Variants in TRMT9B observed in about 807,000 individuals in gnomAD.
The protein encoded by TRMT9B is probable tRNA methyltransferase 9B.
A neutral mutation model predicts 11.5 loss-of-function variants in TRMT9B; 16 were observed. The observed-to-expected ratio is 1.39, with a 90% CI of 0.94 to 2.11. The LOEUF is 2.11. Ranked by LOEUF, TRMT9B falls within the 30% of genes most tolerant of loss-of-function variation. The pLI, the probability that TRMT9B is intolerant of heterozygous loss-of-function variation, is 0.00. For missense variants in TRMT9B, 941 were observed against 553.8 expected (o/e 1.70, Z -7.02); for synonymous variants, 274 against 192.4 (o/e 1.42, Z -3.51).
rs971216111 is a variant in TRMT9B, at chr8:13,023,724, G to A, written c.*1680G>A. 1 of 166,894 alleles carries A rather than the reference G, an allele frequency of 6.0e-6. No individual in the cohort carries two copies. The highest frequency in any genetic ancestry group is 2.4e-5 in the African/African-American group (1 of 41,446). 10.3% of individuals were successfully genotyped at this position (166,894 alleles called of 1,614,324 possible). On this transcript the variant is annotated 3_prime_UTR_variant, in exon 5 of 5. Transcript: ENST00000524591. ...TTGTTTTATTTTTTCCACTAAAAGT[G>A]ACTAAAATAATAACGAATTTCATTT...
rs565248283 is a variant in TRMT9B, at chr8:13,009,899, G to A, written c.155-2785G>A. Among the ~76,000 whole-genome samples, 38 of 152,150 alleles carry A rather than the reference G, an allele frequency of 2.5e-4. No individual in the cohort carries two copies. In the South Asian group the frequency reaches 7.9e-3, roughly 32 times the overall value. On this transcript the variant is annotated intron_variant, in intron 3 of 4. Coordinates refer to ENST00000524591, the MANE Select transcript of TRMT9B (RefSeq NM_020844.3). Reference sequence around the variant, plus strand: ...ATCCTAGCACTTTGGGAGGTGTGGCGGGCAGATCTTTTAGCTCAGGAGTTC... The same window carrying A: ...ATCCTAGCACTTTGGGAGGTGTGGCAGGCAGATCTTTTAGCTCAGGAGTTC...
chr8:12,966,086 G>A (rs1297090786), intron 1 of TRMT9B, among the ~76,000 whole-genome samples: 3 of 151,722 alleles, frequency 2.0e-5, no homozygotes, highest in African/African-American at 4.8e-5. Flanking sequence ...AGCACTTTGG[G>A]AGACCAAGGT....
At chr8:12,969,808 A>C (rs998483549) in intron 1 of TRMT9B, among the ~76,000 whole-genome samples, 1 of 150,632 alleles carries the variant, frequency 6.6e-6, no homozygotes, top group Non-Finnish European at 1.5e-5. Flanking sequence ...AGTAGCTAGG[A>C]CTACAGGCCT....
chr8:13,006,151 T>G (rs1451283779), intron 2 of TRMT9B, 51 bp from the exon 3 acceptor site: 11 of 1,569,134 alleles, frequency 7.0e-6, no homozygotes, highest in Non-Finnish European at 9.6e-6. Flanking sequence ...TTCAGCCATC[T>G]ATGGTGCATA....
chr8:12,988,722 C>G (rs1286478349), intron 1 of TRMT9B, among the ~76,000 whole-genome samples: 1 of 152,188 alleles, frequency 6.6e-6, no homozygotes, highest in Non-Finnish European at 1.5e-5. Context: ...TTCCCTCCCA[C>G]AATACATGGG....
intron 2 of TRMT9B, among the ~76,000 whole-genome samples, chr8:12,995,416 C>G (rs1008903356): frequency 1.3e-5 from 2 of 152,166 alleles, no homozygotes; most frequent in African/African-American, 2.4e-5. Context: ...TTTCTTCTCT[C>G]TGTTCTTTAT....
At chr8:13,010,709 T>C in intron 3 of TRMT9B, 2 of 984,960 alleles carry the variant, frequency 2.0e-6, no homozygotes, top group Non-Finnish European at 2.4e-6. Context: ...GAAGTAACTT[T>C]CCCTTTCATT....
intron 1 of TRMT9B, among the ~76,000 whole-genome samples, chr8:12,948,558 T>C (rs1256696673): frequency 2.0e-5 from 3 of 148,112 alleles, no homozygotes; most frequent in African/African-American, 7.4e-5. Flanking sequence ...TGCATATGAA[T>C]ATATAATATA....
intron 4 of TRMT9B, among the ~76,000 whole-genome samples, chr8:13,020,439 G>C (rs67495185): frequency 0.26 from 39,177 of 152,116 alleles, 5,954 homozygotes; most frequent in East Asian, 0.6. Context: ...TTTTTAAATA[G>C]ACACAACTAT....
intron 4 of TRMT9B, 112 bp from the exon 5 acceptor site, chr8:13,020,896 A>G (rs973614043): frequency 3.1e-5 from 20 of 637,040 alleles, no homozygotes; most frequent in Admixed American, 1.1e-4. Flanking sequence ...GGAAATAAGA[A>G]GGTTTCATTA....
intron 3 of TRMT9B, among the ~76,000 whole-genome samples, chr8:13,009,508 C>T (rs1015751470): frequency 6.6e-6 from 1 of 152,152 alleles, no homozygotes; most frequent in Non-Finnish European, 1.5e-5. Context: ...GTCCCTGGCG[C>T]CAAGCAACCC....
rs1563491690 is a variant in TRMT9B at position 13,028,577 on chromosome 8, T to TTCTTTTCTTTC, written c.*6534_*6535insCTTTTCTTTCT. 27 of 135,262 alleles carry TTCTTTTCTTTC rather than the reference T, an allele frequency of 2.0e-4. No homozygotes were observed. Among genetic ancestry groups the TTCTTTTCTTTC allele is most frequent in the African/African-American group, 7.5e-4 (26 of 34,844 alleles). The allele number at this position is 135,262 out of a possible 1,614,324, so 8.4% of individuals were successfully genotyped here. The stretch of plus-strand genomic sequence containing the variant: ...AAGCACTTTTCTCTTTTCTTTTCTT[T>TTCTTTTCTTTC]TTTTTTTTTTTTTTTTGAGACAGTG... On this transcript the variant is annotated 3_prime_UTR_variant, in exon 5 of 5. Coordinates refer to ENST00000524591, the MANE Select transcript of TRMT9B (RefSeq NM_020844.3).
chr8:13,013,545 G>T (rs1812058702), intron 4 of TRMT9B, among the ~76,000 whole-genome samples: 1 of 152,170 alleles, frequency 6.6e-6, no homozygotes, highest in Non-Finnish European at 1.5e-5. Context: ...ATTTAAATAT[G>T]CAGGGAAACT....
intron 1 of TRMT9B, among the ~76,000 whole-genome samples, chr8:12,969,223 C>G (rs555083294): frequency 6.6e-6 from 1 of 152,200 alleles, no homozygotes; most frequent in East Asian, 1.9e-4. Flanking sequence ...AACAAACAAA[C>G]AAACAAAATA....
chr8:13,010,413 A>C lies in TRMT9B; in HGVS notation c.155-2271A>C, dbSNP rs1003327713. On this transcript the variant is annotated intron_variant, in intron 3 of 4. Coordinates refer to ENST00000524591, the MANE Select transcript of TRMT9B (RefSeq NM_020844.3). Reference sequence around the variant, plus strand: ...ACAGATGGTAATATGACTGTCCTCTAAAGGAAATGGTTTCTGTTGCTAGGT... The same window carrying C: ...ACAGATGGTAATATGACTGTCCTCTCAAGGAAATGGTTTCTGTTGCTAGGT... The C allele has an allele frequency of 8.1e-6, 8 of 984,342 alleles. No homozygotes were observed. In the African/African-American group the frequency reaches 1.4e-4, roughly 17 times the overall value. 61.0% of individuals were successfully genotyped at this position (984,342 alleles called of 1,614,324 possible).
intron 4 of TRMT9B, among the ~76,000 whole-genome samples, chr8:13,014,274 G>C (rs1404764353): frequency 6.6e-6 from 1 of 152,168 alleles, no homozygotes; most frequent in Non-Finnish European, 1.5e-5. Context: ...GATTGTCTTA[G>C]CCTTTGCAGC....
chr8:13,012,944 G>A, intron 4 of TRMT9B, 87 bp downstream of exon 4: 1 of 1,384,424 alleles, frequency 7.2e-7, no homozygotes, highest in East Asian at 2.5e-5. Flanking sequence ...CATCCGTTCT[G>A]TGTAGAAATG....
intron 2 of TRMT9B, among the ~76,000 whole-genome samples, chr8:12,997,612 A>G (rs530961614): frequency 6.6e-6 from 1 of 152,352 alleles, no homozygotes; most frequent in Non-Finnish European, 1.5e-5. Flanking sequence ...TTCTATGAAT[A>G]TACCACAATT....
chr8:12,978,091 CA>C (rs1022699421), intron 1 of TRMT9B, among the ~76,000 whole-genome samples: 2 of 152,102 alleles, frequency 1.3e-5, no homozygotes, highest in African/African-American at 4.8e-5. Context: ...CTGAAAGGAC[CA>C]GGGGAAAGCG....
Sources: gnomAD v4.1 joint callset for allele counts (sites outside exome capture counted in the v4.1 genomes callset) on GRCh38, gnomAD v4.1.1 for gene constraint, MANE v1.5 for transcripts, NCBI Gene and HGNC (gene_info 2026-07-23, HGNC 2026-07-21) for gene names.